The following CYP7B1 variants were observed in gnomAD, a reference collection of about 807,000 sequenced individuals.
CYP7B1 encodes the protein cytochrome P450 7B1.
A neutral mutation model predicts 42.7 loss-of-function variants in CYP7B1; 29 were observed. The ratio of observed to expected loss-of-function variants is 0.68; its 90% CI spans 0.51 to 0.93. The LOEUF is 0.93. CYP7B1 is among the 40% of genes least tolerant of loss of function. CYP7B1 has a pLI of 0.00. For missense variants in CYP7B1, 655 were observed against 600.5 expected (o/e 1.09, Z -0.95); for synonymous variants, 235 against 218.2 (o/e 1.08, Z -0.68).
Position 64,615,916 on chromosome 8 carries a change from TA to T in CYP7B1, c.624del (p.Phe208LeufsTer5). On this transcript the variant is annotated frameshift_variant, in exon 3 of 6. Coordinates refer to ENST00000310193, the MANE Select transcript of CYP7B1 (RefSeq NM_004820.5). LOFTEE classifies it high-confidence loss of function. ...GKVIVCDNNK[F>X]ISELRDDFLK... ...AAAAAATCATCTCTTAGCTCACTAA[TA>T]AATTTGTTGTTGTCACAAACAATAA... 6.2e-7 allele frequency: 1 copy of T among 1,613,646 alleles called. No homozygotes were observed.
At chr8:64,770,984 T>C (rs981739417) in intron 1 of CYP7B1, among the ~76,000 whole-genome samples, 1 of 147,354 alleles carries the variant, frequency 6.8e-6, no homozygotes, top group Non-Finnish European at 1.5e-5. Flanking sequence ...ATGGGGAGTT[T>C]TGAAAACAAC....
chr8:64,769,375 G>C (rs1284872806), intron 1 of CYP7B1, among the ~76,000 whole-genome samples: 1 of 152,060 alleles, frequency 6.6e-6, no homozygotes, highest in African/African-American at 2.4e-5. Flanking sequence ...AAGTAGGAAA[G>C]ACTCCTTGGC....
At chr8:64,588,837 A>G (rs1805000905), downstream of CYP7B1, among the ~76,000 whole-genome samples, 2 of 152,260 alleles carry the variant, frequency 1.3e-5, no homozygotes, top group Admixed American at 1.3e-4. Context: ...ATGAAAGGAA[A>G]TGATTTTCCT....
intron 1 of CYP7B1, among the ~76,000 whole-genome samples, chr8:64,749,518 G>C (rs1285990064): frequency 6.6e-6 from 1 of 152,186 alleles, no homozygotes; most frequent in African/African-American, 2.4e-5. Flanking sequence ...GGGACAGAAA[G>C]AAATAGTGGA....
chr8:64,670,968 G>A (rs772217237), intron 1 of CYP7B1, among the ~76,000 whole-genome samples: 11 of 151,958 alleles, frequency 7.2e-5, no homozygotes, highest in Non-Finnish European at 4.4e-5. Context: ...TAGATGATGT[G>A]TCTTCCCACC....
chr8:64,741,118 C>T (rs1807561176), intron 1 of CYP7B1, among the ~76,000 whole-genome samples: 2 of 152,006 alleles, frequency 1.3e-5, no homozygotes, highest in East Asian at 1.9e-4. Flanking sequence ...GATGCTCTTT[C>T]CCTAAGTTAG....
intron 1 of CYP7B1, among the ~76,000 whole-genome samples, chr8:64,729,515 C>T (rs191067439): frequency 1.2e-4 from 18 of 152,106 alleles, no homozygotes; most frequent in East Asian, 7.7e-4. Flanking sequence ...AATTGTTTGT[C>T]GAGGCGTTAA....
chr8:64,656,853 A>AT (rs1806127839), intron 1 of CYP7B1, among the ~76,000 whole-genome samples: 1 of 152,162 alleles, frequency 6.6e-6, no homozygotes, highest in East Asian at 1.9e-4. Flanking sequence ...AAATCAACAG[A>AT]TTTTAAGTCA....
At chr8:64,611,556 G>A (rs1805363963) in intron 4 of CYP7B1, among the ~76,000 whole-genome samples, 1 of 152,008 alleles carries the variant, frequency 6.6e-6, no homozygotes. Flanking sequence ...AAATTTCGAT[G>A]TGGACTCACT....
chr8:64,635,003 A>G (rs1805749452), intron 1 of CYP7B1, among the ~76,000 whole-genome samples: 1 of 152,202 alleles, frequency 6.6e-6, no homozygotes, highest in Non-Finnish European at 1.5e-5. Context: ...TGGACTTGAC[A>G]ACTGAAGGTC....
At chr8:64,642,158 A>G (rs1805864718) in intron 1 of CYP7B1, among the ~76,000 whole-genome samples, 1 of 152,222 alleles carries the variant, frequency 6.6e-6, no homozygotes, top group South Asian at 2.1e-4. Flanking sequence ...TTATGATGTA[A>G]TACACATATG....
chr8:64,596,755 A>G lies in CYP7B1; in HGVS notation c.1408T>C (p.Phe470Leu). Residue 470 changes from phenylalanine (F) to leucine (L), a missense_variant, in exon 6 of 6, where the codon TTT (phenylalanine) becomes CTT (leucine). Physicochemically the swap from Phe to Leu is conservative, Grantham distance 22. Coordinates refer to ENST00000310193, the MANE Select transcript of CYP7B1 (RefSeq NM_004820.5). ...TTATCATCAATTATTTCTAAATCAA[A>G]ATAAGTTAAAAGTATAACCAACAAT... ...KQLLVILLTY[F>L]DLEIIDDKPI... 1.2e-6 allele frequency: 2 copies of G among 1,613,984 alleles called. No individual in the cohort carries two copies. Among genetic ancestry groups the G allele is most frequent in the Non-Finnish European group, 1.7e-6 (2 of 1,179,918 alleles).
At chr8:64,690,843 A>C (rs192116764) in intron 1 of CYP7B1, among the ~76,000 whole-genome samples, 3 of 152,344 alleles carry the variant, frequency 2.0e-5, no homozygotes, top group East Asian at 1.9e-4. Context: ...ACTTTCTGCC[A>C]GGACATTTTT....
rs1190568464 is a variant in CYP7B1, at chr8:64,695,612, T to C, written c.123-71073A>G. Among the ~76,000 whole-genome samples the C allele has an allele frequency of 3.4e-5, 4 of 118,950 alleles. No homozygotes were observed. The South Asian group carries it at 8.9e-4, about 27-fold the overall frequency. The allele number at this position is 118,950 out of a possible 152,430, so 78.0% of individuals were successfully genotyped here. ...ACATGTTATCAAATTCCTTTTTTTT[T>C]TTTTTTTTTTTTTTTTTAAGGAAAA... On this transcript the variant is annotated intron_variant, in intron 1 of 5. Transcript: ENST00000310193.
At chr8:64,601,888 A>G (rs1805210119) in intron 5 of CYP7B1, among the ~76,000 whole-genome samples, 1 of 152,202 alleles carries the variant, frequency 6.6e-6, no homozygotes, top group Non-Finnish European at 1.5e-5. Flanking sequence ...CTTTTGCCAT[A>G]GTTCTTAACA....
chr8:64,625,996 T>G (rs1230717586), intron 1 of CYP7B1, among the ~76,000 whole-genome samples: 1 of 152,208 alleles, frequency 6.6e-6, no homozygotes, highest in Non-Finnish European at 1.5e-5. Flanking sequence ...CTTTAGGATA[T>G]GCAAGTCATA....
At chr8:64,665,059 C>T (rs968322813) in intron 1 of CYP7B1, among the ~76,000 whole-genome samples, 6 of 152,142 alleles carry the variant, frequency 3.9e-5, no homozygotes, top group South Asian at 2.1e-4. Flanking sequence ...TATGTGAAAA[C>T]GATGCTAGTC....
At chr8:64,647,832 A>T (rs1391028280) in intron 1 of CYP7B1, among the ~76,000 whole-genome samples, 1 of 152,122 alleles carries the variant, frequency 6.6e-6, no homozygotes, top group East Asian at 1.9e-4. Context: ...CTCATCCAGG[A>T]ACACCCTTAC....
intron 1 of CYP7B1, among the ~76,000 whole-genome samples, chr8:64,719,734 GACAGCCTCGATTAAAGA>G (rs1330652452): frequency 6.6e-6 from 1 of 152,128 alleles, no homozygotes; most frequent in Non-Finnish European, 1.5e-5. Flanking sequence ...ACTTCAATGG[GACAGCCTCGATTAAAGA>G]ACAGCCCACG....
Sources: allele counts gnomAD v4.1 joint callset (sites outside exome capture counted in the v4.1 genomes callset), GRCh38; gene constraint gnomAD v4.1.1; transcripts MANE v1.5; gene names NCBI Gene and HGNC (gene_info 2026-07-23, HGNC 2026-07-21).